The following PSD3 variants were observed in gnomAD, a reference collection of about 807,000 sequenced individuals.
PSD3 encodes pleckstrin and Sec7 domain containing 3.
Under a neutral mutation model 105.5 loss-of-function variants are expected in PSD3, and 49 were observed. The observed-to-expected ratio is 0.46, with a 90% CI of 0.37 to 0.59. The LOEUF is 0.59. Ranked by LOEUF, PSD3 falls within the 20% of genes least tolerant of loss-of-function variation. The probability of loss-of-function intolerance (pLI) is 0.00; values close to 1 mark genes in which losing one functional copy is unlikely to be tolerated. For missense variants in PSD3, 1,561 were observed against 1,263.8 expected, an observed-to-expected ratio of 1.24 and a Z score of -3.57; for synonymous variants, 557 against 457.8, an observed-to-expected ratio of 1.22 and a Z score of -2.77.
At chr8:18,656,496 AT>A (rs57949820) in intron 9 of PSD3, among the ~76,000 whole-genome samples, 60,909 of 151,820 alleles carry the variant, frequency 0.4, 12,738 homozygotes, top group African/African-American at 0.51. Flanking sequence ...CACTGACTTA[AT>A]CCAGTTTTTA....
chr8:18,963,093 G>C (rs142182275), intron 1 of PSD3, among the ~76,000 whole-genome samples: 2,256 of 152,304 alleles, frequency 0.015, 63 homozygotes, highest in African/African-American at 0.052. Flanking sequence ...CATGGCAGCG[G>C]CAAGAGAAAA....
intron 14 of PSD3, among the ~76,000 whole-genome samples, chr8:18,556,956 T>A (rs1801116929): frequency 6.6e-6 from 1 of 152,220 alleles, no homozygotes; most frequent in African/African-American, 2.4e-5. Context: ...AAGCAACCCG[T>A]CAATTAAAAT....
intron 11 of PSD3, among the ~76,000 whole-genome samples, chr8:18,629,729 A>T (rs1471544298): frequency 1.3e-5 from 2 of 152,024 alleles, no homozygotes; most frequent in African/African-American, 4.8e-5. Context: ...AATTACTGCC[A>T]AAAGTACAGT....
chr8:18,893,200 G>A (rs1440339326), intron 2 of PSD3, among the ~76,000 whole-genome samples: 2 of 152,136 alleles, frequency 1.3e-5, no homozygotes, highest in African/African-American at 2.4e-5. Flanking sequence ...GCCTGGGATG[G>A]AATCAGAATC....
At chr8:19,076,548 G>A (rs1208118943) in intron 1 of PSD3, among the ~76,000 whole-genome samples, 3 of 152,108 alleles carry the variant, frequency 2.0e-5, no homozygotes, top group Non-Finnish European at 2.9e-5. Context: ...AGCAATACTT[G>A]GGTACCAGCA....
intron 1 of PSD3, among the ~76,000 whole-genome samples, chr8:19,055,926 CTACT>C (rs1828695319): frequency 6.6e-6 from 1 of 152,216 alleles, no homozygotes; most frequent in Non-Finnish European, 1.5e-5. Context: ...GGAGAACACA[CTACT>C]TTCCCAGGTT....
At chr8:18,789,403 T>C (rs547383654) in intron 8 of PSD3, among the ~76,000 whole-genome samples, 3 of 152,328 alleles carry the variant, frequency 2.0e-5, no homozygotes, top group Non-Finnish European at 4.4e-5. Context: ...CTTTAATATA[T>C]TTCTCACTTA....
intron 9 of PSD3, among the ~76,000 whole-genome samples, chr8:18,760,344 C>G (rs1806415874): frequency 6.6e-6 from 1 of 151,972 alleles, no homozygotes; most frequent in Non-Finnish European, 1.5e-5. Flanking sequence ...TGCTATACAA[C>G]AAAGCTCTAT....
At chr8:18,586,839 T>C (rs1362721266) in intron 12 of PSD3, among the ~76,000 whole-genome samples, 1 of 151,870 alleles carries the variant, frequency 6.6e-6, no homozygotes, top group Non-Finnish European at 1.5e-5. Flanking sequence ...TTGGACAGGA[T>C]TCCTTGATGC....
At chr8:18,571,962 G>C (rs1274664980) in intron 14 of PSD3, among the ~76,000 whole-genome samples, 1 of 152,114 alleles carries the variant, frequency 6.6e-6, no homozygotes, top group Non-Finnish European at 1.5e-5. Flanking sequence ...CTTTTAGTAA[G>C]ATTAATCTGA....
Position 18,821,784 on chromosome 8 carries a change from T to G in PSD3, c.1635-16886A>C, listed in dbSNP as rs1178596128. Among the ~76,000 whole-genome samples, 2 of 137,014 alleles carry G rather than the reference T, an allele frequency of 1.5e-5. 1 individual carries two copies. The highest frequency in any genetic ancestry group is 3.1e-5 in the Non-Finnish European group (2 of 65,188). 89.9% of individuals were successfully genotyped at this position (137,014 alleles called of 152,430 possible). On this transcript the variant is annotated intron_variant, in intron 4 of 15. Coordinates refer to ENST00000327040, the MANE Select transcript of PSD3 (RefSeq NM_015310.4). ...CTATACCCATGGCTTCAAATAATAA[T>G]TTTGATTTTAAGTCATAATTTAGCC...
chr8:18,953,911 C>T (rs1294867721), intron 1 of PSD3, among the ~76,000 whole-genome samples: 1 of 151,952 alleles, frequency 6.6e-6, no homozygotes, highest in Non-Finnish European at 1.5e-5. Context: ...ACTTAAGACA[C>T]ACATATATAC....
chr8:18,558,338 T>C (rs553376273), intron 14 of PSD3, among the ~76,000 whole-genome samples: 1 of 152,330 alleles, frequency 6.6e-6, no homozygotes, highest in Non-Finnish European at 1.5e-5. Context: ...ATGATGTATT[T>C]TCCTTCTTTT....
At chr8:18,999,171 C>T (rs1320871146) in intron 1 of PSD3, among the ~76,000 whole-genome samples, 1 of 151,892 alleles carries the variant, frequency 6.6e-6, no homozygotes, top group African/African-American at 2.4e-5. Context: ...TATAATAACC[C>T]TTTTCATTCC....
chr8:18,871,725 G>T lies in PSD3; in HGVS notation c.1139C>A (p.Ser380Tyr). ...ERPGTSSGTFSPVRLDESGED... is the reference protein window; with the variant it reads ...ERPGTSSGTFYPVRLDESGED... ...TCCACTCTCATCAAGACGCACAGGGGAAAATGTCCCCGAGCTAGTGCCAGG... is the reference window on the plus strand; with the variant it reads ...TCCACTCTCATCAAGACGCACAGGGTAAAATGTCCCCGAGCTAGTGCCAGG... The change falls in exon 3 of 16, where the codon TCC becomes TAC. Residue 380 changes from serine (S) to tyrosine (Y), a missense_variant. Coordinates refer to ENST00000327040, the MANE Select transcript of PSD3 (RefSeq NM_015310.4). 1 of 1,614,124 alleles carries T rather than the reference G, an allele frequency of 6.2e-7. No homozygotes were observed. The highest frequency in any genetic ancestry group is 8.5e-7 in the Non-Finnish European group (1 of 1,180,026).
chr8:18,632,013 T>C (rs1452982531), intron 11 of PSD3, among the ~76,000 whole-genome samples: 1 of 151,992 alleles, frequency 6.6e-6, no homozygotes, highest in Admixed American at 6.6e-5. Context: ...AACACCATCA[T>C]TGATCAAGAT....
At chr8:18,967,791 A>G (rs1329287617) in intron 1 of PSD3, among the ~76,000 whole-genome samples, 1 of 152,242 alleles carries the variant, frequency 6.6e-6, no homozygotes, top group African/African-American at 2.4e-5. Context: ...AAATGGAGGC[A>G]TGTGAAAGAT....
chr8:18,663,305 T>TA (rs1443205203), intron 9 of PSD3, among the ~76,000 whole-genome samples: 1 of 152,120 alleles, frequency 6.6e-6, no homozygotes, highest in Non-Finnish European at 1.5e-5. Flanking sequence ...CACGTGCCTG[T>TA]AGTCCCAGCT....
intron 9 of PSD3, chr8:18,684,203 TCCAC>T (rs779568769): frequency 6.3e-5 from 14 of 222,820 alleles, no homozygotes; most frequent in South Asian, 2.8e-4. Flanking sequence ...GTCTCTCTTT[TCCAC>T]ACACACACAC....
Sources: gnomAD v4.1 joint callset for allele counts (sites outside exome capture counted in the v4.1 genomes callset) on GRCh38, gnomAD v4.1.1 for gene constraint, MANE v1.5 for transcripts, NCBI Gene and HGNC (gene_info 2026-07-23, HGNC 2026-07-21) for gene names.